The following COL22A1 variants were observed in gnomAD, a reference collection of about 807,000 sequenced individuals.
COL22A1 encodes collagen alpha-1(XXII) chain.
A neutral mutation model predicts 248.9 loss-of-function variants in COL22A1; 221 were observed. The observed-to-expected ratio is 0.89, with a 90% CI of 0.80 to 0.99. COL22A1 has a LOEUF of 0.99. Ranked by LOEUF, COL22A1 falls within the 50% of genes least tolerant of loss-of-function variation. The probability of loss-of-function intolerance (pLI) is 0.00; values close to 1 mark genes in which losing one functional copy is unlikely to be tolerated. For missense variants in COL22A1, 2,240 were observed against 2,179.0 expected, an observed-to-expected ratio of 1.03 and a Z score of -0.56; for synonymous variants, 891 against 793.4, an observed-to-expected ratio of 1.12 and a Z score of -2.07.
chr8:138,758,800 A>G (rs9644503), intron 18 of COL22A1, among the ~76,000 whole-genome samples: 81,014 of 152,012 alleles, frequency 0.53, 24,272 homozygotes, highest in East Asian at 0.8. Flanking sequence ...TTCTCCTCCC[A>G]TTTCTGCTGC....
intron 3 of COL22A1, among the ~76,000 whole-genome samples, chr8:138,850,494 G>A (rs78759157): frequency 5.3e-4 from 81 of 152,078 alleles, no homozygotes; most frequent in African/African-American, 1.6e-3. Context: ...GATGCGGCAC[G>A]AAGAATGAGG....
chr8:138,750,289 T>C (rs1292495137), intron 22 of COL22A1, among the ~76,000 whole-genome samples: 1 of 152,242 alleles, frequency 6.6e-6, no homozygotes, highest in Non-Finnish European at 1.5e-5. Flanking sequence ...ACCTTCCTGA[T>C]GCCTTTCCCT....
At chr8:138,796,255 G>C (rs1816509073) in intron 12 of COL22A1, among the ~76,000 whole-genome samples, 1 of 152,000 alleles carries the variant, frequency 6.6e-6, no homozygotes, top group South Asian at 2.1e-4. Context: ...GTAAAAGAAG[G>C]TGCAACATGC....
intron 49 of COL22A1, among the ~76,000 whole-genome samples, chr8:138,631,579 A>G (rs1171249486): frequency 6.6e-6 from 1 of 152,156 alleles, no homozygotes; most frequent in Non-Finnish European, 1.5e-5. Context: ...GGATGAATGG[A>G]AGAAGACTTC....
At chr8:138,879,044 T>C (rs1447274543) in intron 2 of COL22A1, among the ~76,000 whole-genome samples, 1 of 149,298 alleles carries the variant, frequency 6.7e-6, no homozygotes, top group Non-Finnish European at 1.5e-5. Context: ...ATGTTTTAAA[T>C]GCCCATATTC....
chr8:138,746,679 C>G (rs960852957), intron 22 of COL22A1, among the ~76,000 whole-genome samples: 7 of 152,226 alleles, frequency 4.6e-5, no homozygotes, highest in Non-Finnish European at 1.0e-4. Flanking sequence ...GCTCTGCACC[C>G]TGTGCTAATG....
rs181796233 is a variant in COL22A1 at position 138,734,610 on chromosome 8, A to G, written c.2139+2914T>C. 5.8e-3 allele frequency among the ~76,000 whole-genome samples: 887 copies of G among 152,328 alleles called. 9 individuals carry two copies. The highest frequency in any genetic ancestry group is 0.019 in the African/African-American group (803 of 41,580). On this transcript the variant is annotated intron_variant, in intron 23 of 64. Transcript: ENST00000303045. Reference sequence around the variant, plus strand: ...AATTAGTTCAACCACTGTGGAAGACAGTGTGGCAATTCCTCAAGGATCTAG... The same window carrying G: ...AATTAGTTCAACCACTGTGGAAGACGGTGTGGCAATTCCTCAAGGATCTAG...
chr8:138,655,980 T>C, intron 44 of COL22A1, 36 bp from the exon 45 acceptor site: 1 of 1,522,480 alleles, frequency 6.6e-7, no homozygotes, highest in Non-Finnish European at 9.1e-7. Context: ...CATACGTACA[T>C]GCATATATAC....
chr8:138,602,250 G>A, intron 59 of COL22A1, 91 bp from the exon 60 acceptor site: 4 of 1,416,768 alleles, frequency 2.8e-6, no homozygotes, highest in Non-Finnish European at 4.0e-6. Context: ...CCTGCATGCT[G>A]AGGACAAGGG....
At chr8:138,758,209 G>A (rs1000837147) in intron 18 of COL22A1, among the ~76,000 whole-genome samples, 10 of 152,174 alleles carry the variant, frequency 6.6e-5, no homozygotes, top group African/African-American at 2.4e-4. Flanking sequence ...AGTGAGCCTG[G>A]AAGTAGATTC....
intron 1 of COL22A1, among the ~76,000 whole-genome samples, chr8:138,900,371 A>G (rs769888569): frequency 7.9e-5 from 12 of 152,218 alleles, no homozygotes; most frequent in Non-Finnish European, 1.5e-4. Context: ...AGTGATTTCA[A>G]TGGAATTGGC....
chr8:138,670,697 C>G (rs975222903), intron 41 of COL22A1, among the ~76,000 whole-genome samples: 1 of 152,034 alleles, frequency 6.6e-6, no homozygotes, highest in Admixed American at 6.6e-5. Flanking sequence ...CGGTGGCTCA[C>G]GTTTGTAATT....
intron 1 of COL22A1, among the ~76,000 whole-genome samples, chr8:138,903,576 C>T (rs1045990304): frequency 2.6e-4 from 40 of 152,124 alleles, no homozygotes; most frequent in African/African-American, 8.4e-4. Context: ...TTTCACCTGG[C>T]GCCCTGCTTG....
chr8:138,731,819 G>C (rs1489122257), intron 23 of COL22A1, among the ~76,000 whole-genome samples: 4 of 152,134 alleles, frequency 2.6e-5, no homozygotes, highest in Non-Finnish European at 5.9e-5. Flanking sequence ...ATGACATAAT[G>C]GCACTTCAGC....
intron 26 of COL22A1, among the ~76,000 whole-genome samples, chr8:138,721,748 C>A (rs1829884666): frequency 6.6e-6 from 1 of 152,198 alleles, no homozygotes. Flanking sequence ...TGCCCACCCC[C>A]ATGCCAGGCT....
rs370565439 is a variant in COL22A1 at position 138,812,994 on chromosome 8, T to C, written c.1271A>G (p.Tyr424Cys). The C allele has an allele frequency of 3.1e-6, 5 of 1,613,884 alleles. No individual in the cohort carries two copies. The African/African-American group carries it at 6.7e-5, about 22-fold the overall frequency. The change falls in exon 8 of 65, where the codon TAT (tyrosine) becomes TGT (cysteine). Residue 424 changes from tyrosine (Y) to cysteine (C), a missense_variant. By Grantham distance (194) the Tyr-to-Cys change is radical. Coordinates refer to ENST00000303045, the MANE Select transcript of COL22A1 (RefSeq NM_152888.3). Reference sequence around the variant, plus strand: ...CAATTCTGCGTGTCTCGAGTCACAATAGATCACAATCCGCTGTAGGTCAAA... The same window carrying C: ...CAATTCTGCGTGTCTCGAGTCACAACAGATCACAATCCGCTGTAGGTCAAA... ...IDFDLQRIVI[Y>C]CDSRHAELET...
intron 4 of COL22A1, among the ~76,000 whole-genome samples, chr8:138,836,825 A>G (rs989575985): frequency 6.6e-6 from 1 of 152,234 alleles, no homozygotes; most frequent in African/African-American, 2.4e-5. Context: ...AATTGTACGC[A>G]GTGAAGAATC....
At chr8:138,600,715 C>T (rs1336667783) in intron 60 of COL22A1, among the ~76,000 whole-genome samples, 1 of 152,132 alleles carries the variant, frequency 6.6e-6, no homozygotes, top group Non-Finnish European at 1.5e-5. Flanking sequence ...AACAATAACC[C>T]AAAATCAGTG....
At chr8:138,880,971 G>A (rs1186803256) in intron 2 of COL22A1, among the ~76,000 whole-genome samples, 1 of 152,238 alleles carries the variant, frequency 6.6e-6, no homozygotes, top group Non-Finnish European at 1.5e-5. Flanking sequence ...GCGGGATTGT[G>A]TGCCCGTGAG....
Sources: gnomAD v4.1 joint callset for allele counts (sites outside exome capture counted in the v4.1 genomes callset) on GRCh38, gnomAD v4.1.1 for gene constraint, MANE v1.5 for transcripts, NCBI Gene and HGNC (gene_info 2026-07-23, HGNC 2026-07-21) for gene names.